The following RP2 variants were observed in gnomAD, a reference collection of about 807,000 sequenced individuals.
The protein encoded by RP2 is RP2 activator of ARL3 GTPase.
A neutral mutation model predicts 20.3 loss-of-function variants in RP2; 3 were observed. The ratio of observed to expected loss-of-function variants is 0.15; its 90% CI spans 0.07 to 0.38. RP2 has a LOEUF of 0.38. Ranked by LOEUF, RP2 falls within the 10% of genes least tolerant of loss-of-function variation. The pLI is 1.00. For synonymous variants in RP2, 75 were observed against 94.8 expected, an observed-to-expected ratio of 0.79 and a Z score of 1.22; for missense variants, 233 against 268.5, an observed-to-expected ratio of 0.87 and a Z score of 0.92.
At chrX:46,861,211 G>C (rs1925056577) in intron 3 of RP2, among the ~76,000 whole-genome samples, 1 of 112,252 alleles carries the variant, frequency 8.9e-6, no homozygotes, top group Admixed American at 9.5e-5. Flanking sequence ...TAGGAATAAA[G>C]TGAGCATATC....
At chrX:46,847,929 C>CAT (rs10533014) in intron 1 of RP2, among the ~76,000 whole-genome samples, 1,089 of 82,347 alleles carry the variant, frequency 0.013, 12 homozygotes, top group African/African-American at 0.017. Flanking sequence ...TGTGTATATA[C>CAT]ATATATATAT....
Position 46,853,679 on chromosome X carries a change from C to A in RP2, c.306C>A (p.Phe102Leu), listed in dbSNP as rs1556318612. ...GACCCGTGAAAGGCAGCGTGTTTTT[C>A]CGGAATTGCAGAGATTGCAAGTGCA... is the stretch of plus-strand genomic sequence containing the variant. ...FLGPVKGSVF[F>L]RNCRDCKCTL... is the part of the protein sequence containing the mutation. The change falls in exon 2 of 5, where the codon TTC becomes TTA. Residue 102 changes from phenylalanine (F) to leucine (L), a missense_variant. Physicochemically the swap from Phe to Leu is conservative, Grantham distance 22. Coordinates refer to ENST00000218340, the MANE Select transcript of RP2 (RefSeq NM_006915.3). 1.7e-6 allele frequency: 2 copies of A among 1,211,736 alleles called. No individual in the cohort carries two copies. Among genetic ancestry groups the A allele is most frequent in the African/African-American group, 3.5e-5 (2 of 57,784 alleles).
intron 3 of RP2, among the ~76,000 whole-genome samples, chrX:46,864,333 T>C (rs1925127242): frequency 9.5e-6 from 1 of 105,763 alleles, no homozygotes; most frequent in Non-Finnish European, 1.9e-5. Context: ...AAATTTTCCT[T>C]CCTTCCTTCC....
At chrX:46,868,743 G>A (rs1354684051) in intron 3 of RP2, among the ~76,000 whole-genome samples, 2 of 96,756 alleles carry the variant, frequency 2.1e-5, no homozygotes, top group Admixed American at 1.2e-4. Flanking sequence ...CCAAGATCGC[G>A]CCACTGCACT....
chrX:46,875,377 G>A (rs1324248835), intron 3 of RP2, among the ~76,000 whole-genome samples: 4 of 106,146 alleles, frequency 3.8e-5, no homozygotes, highest in Admixed American at 2.1e-4. Context: ...AGAACTCCTC[G>A]TATGCCAGAG....
chrX:46,847,807 T>C (rs905431411), intron 1 of RP2, among the ~76,000 whole-genome samples: 24 of 92,198 alleles, frequency 2.6e-4, no homozygotes, highest in South Asian at 4.8e-4. Context: ...TGTATATATA[T>C]ACACACATAT....
At chrX:46,852,089 T>C (rs1043436858) in intron 1 of RP2, among the ~76,000 whole-genome samples, 1 of 110,569 alleles carries the variant, frequency 9.0e-6, no homozygotes, top group Non-Finnish European at 1.9e-5. Flanking sequence ...GCACCTGTGG[T>C]CCCAGCTACT....
chrX:46,866,450 T>G (rs1556322546), intron 3 of RP2, among the ~76,000 whole-genome samples: 1 of 112,287 alleles, frequency 8.9e-6, no homozygotes, highest in Non-Finnish European at 1.9e-5. Context: ...CCTTGCTTTT[T>G]TGTGACTTCT....
chrX:46,842,231 G>A (rs1180760363), intron 1 of RP2, among the ~76,000 whole-genome samples: 2 of 111,831 alleles, frequency 1.8e-5, no homozygotes, highest in Non-Finnish European at 3.8e-5. Context: ...CTGTGTTTTT[G>A]TACTCATTAA....
At chrX:46,851,381 A>C (rs1924855929) in intron 1 of RP2, among the ~76,000 whole-genome samples, 1 of 111,880 alleles carries the variant, frequency 8.9e-6, no homozygotes, top group Non-Finnish European at 1.9e-5. Context: ...TCACACCTGT[A>C]ATCCCAGCAC....
In RP2 at chrX:46,877,660, A is replaced by G. The variant is rs1341457234; in HGVS notation, c.969+70A>G. 1.1e-5 allele frequency: 8 copies of G among 759,186 alleles called. No homozygotes were observed. In the Admixed American group the frequency reaches 1.8e-4, roughly 18 times the overall value. 62.6% of individuals were successfully genotyped at this position (759,186 alleles called of 1,213,427 possible). A position where few individuals can be genotyped will look rare whatever the true frequency, so the allele number is the denominator to read the frequency against. ...ATCTCCTTTTCCTTACAGTCAAATA[A>G]TACTTTAATACTTTTGTCCCTAATG... On this transcript the variant is annotated intron_variant, in intron 4 of 4. Coordinates refer to ENST00000218340, the MANE Select transcript of RP2 (RefSeq NM_006915.3).
At chrX:46,851,358 C>T (rs990622185) in intron 1 of RP2, among the ~76,000 whole-genome samples, 2 of 111,425 alleles carry the variant, frequency 1.8e-5, no homozygotes, top group African/African-American at 3.3e-5. Context: ...TTATGTGGGC[C>T]GGGCTCGGTG....
intron 3 of RP2, among the ~76,000 whole-genome samples, chrX:46,862,409 C>T (rs1176925302): frequency 9.3e-6 from 1 of 107,468 alleles, no homozygotes; most frequent in Non-Finnish European, 1.9e-5. Flanking sequence ...GCCTGTAATC[C>T]CAACACTTTG....
At chrX:46,877,700 T>TGG (rs1347176471) in intron 4 of RP2, 110 bp downstream of exon 4, 64 of 351,365 alleles carry the variant, frequency 1.8e-4, no homozygotes, top group African/African-American at 3.4e-4. Context: ...TTGGAATTTT[T>TGG]GGGGTGTGTG....
At chrX:46,859,739 T>C (rs1422125555) in intron 2 of RP2, among the ~76,000 whole-genome samples, 1 of 111,497 alleles carries the variant, frequency 9.0e-6, no homozygotes, top group Non-Finnish European at 1.9e-5. Flanking sequence ...TGTTTTAAAC[T>C]TGAGAGATAA....
chrX:46,877,440 A>C lies in RP2; in HGVS notation c.884-65A>C, dbSNP rs1925388544. ...GCTGGAGATTCTTCAGGGAAGAATA[A>C]AAAGATTAAATTTAGAATATATTTG... On this transcript the variant is annotated intron_variant, in intron 3 of 4. Coordinates refer to ENST00000218340, the MANE Select transcript of RP2 (RefSeq NM_006915.3). 4.9e-6 allele frequency: 4 copies of C among 816,255 alleles called. No homozygotes were observed. The African/African-American group carries it at 8.2e-5, about 17-fold the overall frequency. The allele number at this position is 816,255 out of a possible 1,213,427, so 67.3% of individuals were successfully genotyped here.
At chrX:46,850,361 G>C (rs1321702413) in intron 1 of RP2, among the ~76,000 whole-genome samples, 1 of 111,918 alleles carries the variant, frequency 8.9e-6, no homozygotes, top group Non-Finnish European at 1.9e-5. Flanking sequence ...AGCCCTTTCT[G>C]TATGACTACA....
chrX:46,877,741 A>C, intron 4 of RP2, 151 bp downstream of exon 4: 3 of 238,737 alleles, frequency 1.3e-5, no homozygotes, highest in Admixed American at 6.5e-5. Flanking sequence ...TGTTTAAAGC[A>C]GATCATGATT....
intron 1 of RP2, among the ~76,000 whole-genome samples, chrX:46,841,860 G>A (rs181968320): frequency 8.9e-6 from 1 of 112,179 alleles, no homozygotes; most frequent in East Asian, 2.8e-4. Context: ...GCTTTTTAGA[G>A]ATATAATTCA....
Sources: allele counts gnomAD v4.1 joint callset (sites outside exome capture counted in the v4.1 genomes callset), GRCh38; gene constraint gnomAD v4.1.1; transcripts MANE v1.5; gene names NCBI Gene and HGNC (gene_info 2026-07-23, HGNC 2026-07-21).